The following CHCHD6 variants were observed in gnomAD, a reference collection of about 807,000 sequenced individuals.
CHCHD6 encodes the protein coiled-coil-helix-coiled-coil-helix domain containing 6.
Under a neutral mutation model 32.3 loss-of-function variants are expected in CHCHD6, and 28 were observed. That is an observed-to-expected ratio of 0.87 (90% CI 0.64 to 1.19). CHCHD6 has a LOEUF of 1.19. Among genes scored for constraint, CHCHD6 ranks in the 50% most tolerant of loss-of-function variants. CHCHD6 has a pLI of 0.00. For synonymous variants in CHCHD6, 122 were observed against 117.5 expected, an observed-to-expected ratio of 1.04 and a Z score of -0.25; for missense variants, 333 against 307.0, an observed-to-expected ratio of 1.08 and a Z score of -0.63.
intron 4 of CHCHD6, among the ~76,000 whole-genome samples, chr3:126,787,255 G>T (rs1482185198): frequency 6.6e-6 from 1 of 152,186 alleles, no homozygotes; most frequent in Non-Finnish European, 1.5e-5. Context: ...AAGTCAGGTA[G>T]CATGATGCCT....
chr3:126,709,428 G>A (rs1186322331), intron 1 of CHCHD6, among the ~76,000 whole-genome samples: 1 of 152,228 alleles, frequency 6.6e-6, no homozygotes, highest in Non-Finnish European at 1.5e-5. Context: ...GAGTAACGCT[G>A]CTATGAACAT....
Position 126,862,714 on chromosome 3 carries a change from T to TCCTCCACCATCACCACCTCCTCCC in CHCHD6, c.495+9988_495+9989insCACCATCACCACCTCCTCCCCCTC, listed in dbSNP as rs1559887707. Among the ~76,000 whole-genome samples the TCCTCCACCATCACCACCTCCTCCC allele has an allele frequency of 7.9e-4, 43 of 54,504 alleles. 8 individuals carry two copies. The highest frequency in any genetic ancestry group is 4.0e-3 in the African/African-American group (23 of 5,758). 35.8% of individuals were successfully genotyped at this position (54,504 alleles called of 152,430 possible). On this transcript the variant is annotated intron_variant, in intron 5 of 7. Transcript: ENST00000290913. ...CTCCTCCACCATCACCACCTCCTCC[T>TCCTCCACCATCACCACCTCCTCCC]CCTCTACCATCACCACCTCCTCCTC... is the stretch of plus-strand genomic sequence containing the variant.
chr3:126,872,220 C>T (rs1015238974), intron 5 of CHCHD6, among the ~76,000 whole-genome samples: 1 of 152,106 alleles, frequency 6.6e-6, no homozygotes, highest in Non-Finnish European at 1.5e-5. Context: ...AGGACAGCCC[C>T]TCACAGCAAG....
chr3:126,938,441 C>T (rs1271786291), intron 6 of CHCHD6, among the ~76,000 whole-genome samples: 1 of 152,142 alleles, frequency 6.6e-6, no homozygotes, highest in Non-Finnish European at 1.5e-5. Flanking sequence ...GTGTACGTGA[C>T]GCAGTAAGCA....
chr3:126,818,665 G>A (rs769397437), intron 4 of CHCHD6, among the ~76,000 whole-genome samples: 3 of 152,148 alleles, frequency 2.0e-5, no homozygotes, highest in Non-Finnish European at 2.9e-5. Flanking sequence ...CCATTACCTA[G>A]TGCCGCAGGT....
chr3:126,833,778 G>A (rs146139520), intron 4 of CHCHD6, among the ~76,000 whole-genome samples: 22 of 152,266 alleles, frequency 1.4e-4, no homozygotes, highest in African/African-American at 2.2e-4. Context: ...TAACGTGGCC[G>A]GGCGCGGTGG....
chr3:126,743,117 ACTC>A (rs1285668451), intron 4 of CHCHD6, among the ~76,000 whole-genome samples: 15 of 151,940 alleles, frequency 9.9e-5, no homozygotes, highest in African/African-American at 3.4e-4. Flanking sequence ...GAGCTTGTGG[ACTC>A]CTCCTCTTTA....
chr3:126,728,108 C>T (rs1203489417), intron 2 of CHCHD6, among the ~76,000 whole-genome samples: 2 of 152,132 alleles, frequency 1.3e-5, no homozygotes, highest in East Asian at 3.9e-4. Context: ...CTCATCTTCC[C>T]TGTTGGGTTG....
chr3:126,752,519 C>T lies in CHCHD6; in HGVS notation c.411+19297C>T, dbSNP rs556104209. Among the ~76,000 whole-genome samples, 4 of 152,304 alleles carry T rather than the reference C, an allele frequency of 2.6e-5. No homozygotes were observed. The South Asian group carries it at 6.2e-4, about 24-fold the overall frequency. On this transcript the variant is annotated intron_variant, in intron 4 of 7. Coordinates refer to ENST00000290913, the MANE Select transcript of CHCHD6 (RefSeq NM_032343.3). Reference sequence around the variant, plus strand: ...GATGTCATCCTCTGAGGGCCTGTAACCTGGTAGCTTTGAGACTGATTAAAT... The same window carrying T: ...GATGTCATCCTCTGAGGGCCTGTAATCTGGTAGCTTTGAGACTGATTAAAT...
intron 4 of CHCHD6, among the ~76,000 whole-genome samples, chr3:126,784,489 C>T (rs578110150): frequency 9.9e-5 from 15 of 152,238 alleles, no homozygotes; most frequent in African/African-American, 3.4e-4. Flanking sequence ...CTGCTTTCTG[C>T]CCCCAACTGT....
chr3:126,852,041 C>A (rs1008268042), intron 4 of CHCHD6, among the ~76,000 whole-genome samples: 5 of 152,208 alleles, frequency 3.3e-5, no homozygotes, highest in African/African-American at 9.7e-5. Flanking sequence ...CCCCATCAGG[C>A]GGGTGAGGAA....
At chr3:126,868,486 A>G (rs2077419264) in intron 5 of CHCHD6, among the ~76,000 whole-genome samples, 2 of 152,078 alleles carry the variant, frequency 1.3e-5, no homozygotes, top group African/African-American at 4.8e-5. Flanking sequence ...TAAGTAACAC[A>G]TGTTCATGTA....
intron 3 of CHCHD6, among the ~76,000 whole-genome samples, chr3:126,732,085 A>ACC: frequency 6.6e-6 from 1 of 151,740 alleles, no homozygotes; most frequent in South Asian, 2.1e-4. Flanking sequence ...AACCAAAAAA[A>ACC]AAAAAAAAAA....
chr3:126,811,680 C>G (rs1001633568), intron 4 of CHCHD6, among the ~76,000 whole-genome samples: 2 of 152,172 alleles, frequency 1.3e-5, no homozygotes, highest in African/African-American at 2.4e-5. Context: ...TATTCCTACA[C>G]AGCTCTGCTT....
At chr3:126,810,738 G>C (rs1939620303) in intron 4 of CHCHD6, among the ~76,000 whole-genome samples, 1 of 152,182 alleles carries the variant, frequency 6.6e-6, no homozygotes, top group East Asian at 1.9e-4. Context: ...CTTTACAACT[G>C]TTTTGTAAGT....
intron 5 of CHCHD6, among the ~76,000 whole-genome samples, chr3:126,863,346 C>T (rs1942037173): frequency 7.6e-6 from 1 of 130,808 alleles, no homozygotes; most frequent in Non-Finnish European, 1.6e-5. Flanking sequence ...CCATCACCTC[C>T]TCCTCCTCTA....
chr3:126,825,876 C>T (rs1177994310), intron 4 of CHCHD6, among the ~76,000 whole-genome samples: 3 of 152,172 alleles, frequency 2.0e-5, no homozygotes, highest in Admixed American at 2.0e-4. Context: ...CAGAACGATG[C>T]AACAAACACG....
At chr3:126,763,806 A>T (rs993410293) in intron 4 of CHCHD6, among the ~76,000 whole-genome samples, 1 of 152,186 alleles carries the variant, frequency 6.6e-6, no homozygotes, top group Middle Eastern at 3.2e-3. Flanking sequence ...ACCAGAGGCT[A>T]TGGGAGAGGA....
At chr3:126,925,882 T>A (rs2078317060) in intron 6 of CHCHD6, among the ~76,000 whole-genome samples, 1 of 152,240 alleles carries the variant, frequency 6.6e-6, no homozygotes, top group South Asian at 2.1e-4. Flanking sequence ...CAGGATTAAA[T>A]GATGGTGATC....
Sources: gnomAD v4.1 joint callset for allele counts (sites outside exome capture counted in the v4.1 genomes callset) on GRCh38, gnomAD v4.1.1 for gene constraint, MANE v1.5 for transcripts, NCBI Gene and HGNC (gene_info 2026-07-23, HGNC 2026-07-21) for gene names.